Variants in COL6A3 observed in about 807,000 individuals in gnomAD.
COL6A3 encodes collagen alpha-3(VI) chain.
A neutral mutation model predicts 274.1 loss-of-function variants in COL6A3; 137 were observed. That is an observed-to-expected ratio of 0.50 (90% CI 0.44 to 0.58). COL6A3 has a LOEUF of 0.58. COL6A3 is among the 20% of genes least tolerant of loss of function. The pLI is 0.00. For missense variants in COL6A3, 3,950 were observed against 4,124.9 expected (o/e 0.96, Z 1.16); for synonymous variants, 1,650 against 1,650.6 (o/e 1.00, Z 0.01).
rs752173485 is a variant in COL6A3 at position 237,394,933 on chromosome 2, T to C, written c.363A>G (p.Gly121=). ...GGTGGCTTTGCATTATGTATTCTAA[T>C]CCTTTTCCAGTCTGATTGGTTCCCC... is the stretch of plus-strand genomic sequence containing the variant. The part of the protein sequence containing the change: ...YIGGTNQTGK[G]LEYIMQSHLT... Residue 121 remains glycine (G), a synonymous_variant, in exon 3 of 44, where the codon GGA becomes GGG. Transcript: ENST00000295550. 1 of 1,614,008 alleles carries C rather than the reference T, an allele frequency of 6.2e-7. No homozygotes were observed. Among genetic ancestry groups the C allele is most frequent in the Non-Finnish European group, 8.5e-7 (1 of 1,179,924 alleles).
chr2:237,329,830 G>A (rs1191297371), intron 42 of COL6A3: 2 of 152,152 alleles, frequency 1.3e-5, no homozygotes, highest in East Asian at 1.9e-4. Context: ...AGTTTCAGAA[G>A]TGTCCCAATG....
rs2077602814 is a variant in COL6A3 at position 237,368,368 on chromosome 2, G to A, written c.4900+195C>T. Among the ~76,000 whole-genome samples the A allele has an allele frequency of 6.6e-6, 1 of 152,228 alleles. No homozygotes were observed. The highest frequency in any genetic ancestry group is 2.4e-5 in the African/African-American group (1 of 41,460). The stretch of plus-strand genomic sequence containing the variant: ...TCAATGGGGCTATGATTAGTCTCAG[G>A]AGTGATGGAAGATCAATAATATGCT... On this transcript the variant is annotated intron_variant, in intron 10 of 43. Transcript: ENST00000295550. This position sits in a 1 kb window ranked among gnomAD's most constrained non-coding sequence, Gnocchi z 4.4.
At chr2:237,358,819 T>C (rs958923859) in intron 20 of COL6A3, among the ~76,000 whole-genome samples, 3 of 152,138 alleles carry the variant, frequency 2.0e-5, no homozygotes, top group Admixed American at 6.6e-5. Flanking sequence ...CAAAACAAAC[T>C]CAGTCCCTGC....
intron 4 of COL6A3, among the ~76,000 whole-genome samples, chr2:237,384,026 G>A (rs1264069006): frequency 6.6e-6 from 1 of 152,172 alleles, no homozygotes; most frequent in African/African-American, 2.4e-5. Context: ...GCTCATGACA[G>A]ATGATATGCC....
rs948847037 is a variant in COL6A3, at chr2:237,340,616, T to C, written c.8300A>G (p.Tyr2767Cys). Residue 2767 changes from tyrosine (Y) to cysteine (C), a missense_variant, in exon 38 of 44, where the codon TAC (tyrosine) becomes TGC (cysteine). Physicochemically the swap from Tyr to Cys is radical, Grantham distance 194. Around this residue, in one of 5 missense-constraint regions of COL6A3, gnomAD observed 1,284 missense variants for 1,349.7 expected, o/e 0.95. Transcript: ENST00000295550. ...RVILQAKCKGYFFVVLGIGRK... is the reference protein window; with the variant it reads ...RVILQAKCKGCFFVVLGIGRK... ...GCCAATGCCCAGGACCACGAAGAAG[T>C]AGCCCTTGCATTTGGCCTGCAGGAT... The C allele has an allele frequency of 6.2e-7, 1 of 1,614,204 alleles. No individual in the cohort carries two copies. Among genetic ancestry groups the C allele is most frequent in the East Asian group, 2.2e-5 (1 of 44,880 alleles).
intron 1 of COL6A3, among the ~76,000 whole-genome samples, chr2:237,411,417 ACT>A (rs1045524411): frequency 2.6e-5 from 4 of 152,168 alleles, no homozygotes; most frequent in Admixed American, 1.3e-4. Context: ...TTGTCTGAAC[ACT>A]CTGAGCAAGG....
intron 37 of COL6A3, among the ~76,000 whole-genome samples, chr2:237,341,387 T>C (rs187827348): frequency 6.2e-4 from 94 of 151,910 alleles, no homozygotes; most frequent in Admixed American, 9.8e-4. Context: ...CTACTAAAAA[T>C]ACAAAAATTA....
chr2:237,371,650 A>C lies in COL6A3; in HGVS notation c.4285+82T>G, dbSNP rs770071281. On this transcript the variant is annotated intron_variant, in intron 9 of 43. Coordinates refer to ENST00000295550, the MANE Select transcript of COL6A3 (RefSeq NM_004369.4). The surrounding 1 kb of genome is among the most constrained non-coding windows in gnomAD (Gnocchi z 4.3). The stretch of plus-strand genomic sequence containing the variant: ...TACAACCTTTATTTTAATTTAATTT[A>C]TTATGAGTACCATGGCCTTTGAGCC... The C allele has an allele frequency of 6.6e-7, 1 of 1,516,198 alleles. No individual in the cohort carries two copies. The highest frequency in any genetic ancestry group is 8.8e-7 in the Non-Finnish European group (1 of 1,136,268). The allele number at this position is 1,516,198 out of a possible 1,614,324, so 93.9% of individuals were successfully genotyped here.
At chr2:237,336,932 T>C (rs551168710) in intron 39 of COL6A3, among the ~76,000 whole-genome samples, 1 of 152,298 alleles carries the variant, frequency 6.6e-6, no homozygotes, top group African/African-American at 2.4e-5. Flanking sequence ...TAAGAAAATA[T>C]CCACTCAATC....
At chr2:237,351,070 G>A (rs1303639742) in intron 27 of COL6A3, 60 bp downstream of exon 27, 5 of 1,491,674 alleles carry the variant, frequency 3.4e-6, no homozygotes, top group African/African-American at 1.4e-5. Flanking sequence ...AGAGGGAGAG[G>A]GGCATGTGTG....
chr2:237,385,471 C>A (rs2078121529), intron 4 of COL6A3, among the ~76,000 whole-genome samples: 1 of 152,176 alleles, frequency 6.6e-6, no homozygotes, highest in Admixed American at 6.5e-5. Flanking sequence ...TCTGGTGCAA[C>A]TCCTTTGTCA....
chr2:237,334,936 G>T, intron 40 of COL6A3, 47 bp from the exon 41 acceptor site: 2 of 1,607,440 alleles, frequency 1.2e-6, no homozygotes, highest in South Asian at 2.2e-5. Context: ...AATCCTCCAT[G>T]ACTGTAGTGC....
intron 25 of COL6A3, among the ~76,000 whole-genome samples, chr2:237,353,130 G>A (rs2077242778): frequency 6.6e-6 from 1 of 152,154 alleles, no homozygotes; most frequent in South Asian, 2.1e-4. Flanking sequence ...GAGGGTGATG[G>A]GGAGTGACTG....
Position 237,345,184 on chromosome 2 carries a change from G to T in COL6A3, c.7122C>A (p.Ile2374=), listed in dbSNP as rs747377101. The change falls in exon 33 of 44, where the codon ATC becomes ATA. Residue 2374 remains isoleucine (I), a synonymous_variant. Transcript: ENST00000295550. ...AGPKGNRGDS[I]DQCALIQSIK... ...ATTCTGGACACATGCAACTTACATCGATGGAGTCGCCCCTGTTGCCCTTGG... is the reference window on the plus strand; with the variant it reads ...ATTCTGGACACATGCAACTTACATCTATGGAGTCGCCCCTGTTGCCCTTGG... 1 of 1,614,000 alleles carries T rather than the reference G, an allele frequency of 6.2e-7. No individual in the cohort carries two copies. Among genetic ancestry groups the T allele is most frequent in the Non-Finnish European group, 8.5e-7 (1 of 1,180,036 alleles).
Position 237,396,663 on chromosome 2 carries a change from C to T in COL6A3, c.91+64G>A, listed in dbSNP as rs1034468164. The T allele has an allele frequency of 2.6e-6, 4 of 1,529,896 alleles. No homozygotes were observed. In the South Asian group the frequency reaches 4.5e-5, roughly 17 times the overall value. 94.8% of individuals were successfully genotyped at this position (1,529,896 alleles called of 1,614,324 possible). ...TAAGCTCTATGTCAGTGCCTGATGT[C>T]TAAGATCTAAAATCAAAGAATGATA... On this transcript the variant is annotated intron_variant, in intron 2 of 43. Transcript: ENST00000295550.
chr2:237,403,604 T>C (rs2078647465), intron 1 of COL6A3, among the ~76,000 whole-genome samples: 1 of 152,156 alleles, frequency 6.6e-6, no homozygotes, highest in Non-Finnish European at 1.5e-5. Flanking sequence ...AGCGGCAGTA[T>C]TGCAAAAGCT....
chr2:237,395,365 A>C (rs2106389158), intron 2 of COL6A3, among the ~76,000 whole-genome samples, 161 bp from the exon 3 acceptor site: 1 of 152,384 alleles, frequency 6.6e-6, no homozygotes, highest in East Asian at 1.9e-4. Context: ...CCTGGGAACC[A>C]GGGACCTGAG....
rs138466455 is a variant in COL6A3, at chr2:237,340,727, G to T, written c.8189C>A (p.Ala2730Asp). The part of the protein sequence containing the change: ...EYTIENVFES[A>D]PNPRDLKIVV... ...AATTTTCAGGTCCCGTGGGTTTGGG[G>T]CACTTTCAAAGACATTCTCTATGGT... The change falls in exon 38 of 44, where the codon GCC becomes GAC. Residue 2730 changes from alanine (A) to aspartate (D), a missense_variant. Physicochemically the swap from Ala to Asp is moderately radical, Grantham distance 126. Around this residue, in one of 5 missense-constraint regions of COL6A3, gnomAD observed 1,284 missense variants for 1,349.7 expected, o/e 0.95. Transcript: ENST00000295550. 1.4e-3 allele frequency: 2,248 copies of T among 1,614,142 alleles called. 3 individuals carry two copies. The highest frequency in any genetic ancestry group is 1.8e-3 in the Non-Finnish European group (2,093 of 1,180,038).
chr2:237,364,825 ATGTGTGGG>A lies in COL6A3; in HGVS notation c.5839-405_5839-398del, dbSNP rs1380671747. ...TGCATGTGTGTGCACGTGTGTGTGCATGTGTGGGTGTGTGGGTGTACATGTGTGTGGGT... is the reference window on the plus strand; with the variant it reads ...TGCATGTGTGTGCACGTGTGTGTGCATGTGTGGGTGTACATGTGTGTGGGT... On this transcript the variant is annotated intron_variant, in intron 12 of 43. Coordinates refer to ENST00000295550, the MANE Select transcript of COL6A3 (RefSeq NM_004369.4). The surrounding 1 kb of genome is among the most constrained non-coding windows in gnomAD (Gnocchi z 4.6). 6.9e-6 allele frequency among the ~76,000 whole-genome samples: 1 copy of A among 145,828 alleles called. No homozygotes were observed. The highest frequency in any genetic ancestry group is 6.9e-5 in the Admixed American group (1 of 14,572).
Sources: allele counts gnomAD v4.1 joint callset (sites outside exome capture counted in the v4.1 genomes callset), GRCh38; gene constraint gnomAD v4.1.1; regional missense constraint gnomAD v4.1.1; non-coding constraint Gnocchi (gnomAD v3.1); transcripts MANE v1.5; gene names NCBI Gene and HGNC (gene_info 2026-07-23, HGNC 2026-07-21).